The following TBC1D5 variants were observed in gnomAD, a reference collection of about 807,000 sequenced individuals.
The protein encoded by TBC1D5 is TBC1 domain family member 5, also known as TBC1 domain family, member 5.
Under a neutral mutation model 100.3 loss-of-function variants are expected in TBC1D5, and 75 were observed. The ratio of observed to expected loss-of-function variants is 0.75; its 90% CI spans 0.62 to 0.91. The LOEUF (loss-of-function observed/expected upper bound fraction) is 0.91, where lower values mean the gene tolerates loss of function less well. Among genes scored for constraint, TBC1D5 ranks in the 40% least tolerant of loss-of-function variants. The probability of loss-of-function intolerance (pLI) is 0.00; values close to 1 mark genes in which losing one functional copy is unlikely to be tolerated. For synonymous variants in TBC1D5, 323 were observed against 325.6 expected (o/e 0.99, Z 0.09); for missense variants, 910 against 942.4 (o/e 0.97, Z 0.45).
chr3:17,407,045 T>A (rs1451672978), intron 4 of TBC1D5, among the ~76,000 whole-genome samples: 1 of 152,086 alleles, frequency 6.6e-6, no homozygotes, highest in Non-Finnish European at 1.5e-5. Context: ...TCTTTCTACA[T>A]GATCAGTTTT....
intron 13 of TBC1D5, among the ~76,000 whole-genome samples, chr3:17,356,292 C>A (rs1559708057): frequency 6.6e-6 from 1 of 152,142 alleles, no homozygotes; most frequent in Non-Finnish European, 1.5e-5. Context: ...CTCACCTAAT[C>A]CTAAACCATC....
At chr3:17,241,337 CAGAG>C (rs1230969741) in intron 16 of TBC1D5, among the ~76,000 whole-genome samples, 1 of 152,134 alleles carries the variant, frequency 6.6e-6, no homozygotes, top group Non-Finnish European at 1.5e-5. Flanking sequence ...AAGTAGTTGT[CAGAG>C]AGCTGATGGA....
intron 2 of TBC1D5, among the ~76,000 whole-genome samples, chr3:17,543,208 C>T (rs1257350657): frequency 6.6e-6 from 1 of 152,188 alleles, no homozygotes; most frequent in Non-Finnish European, 1.5e-5. Flanking sequence ...TGTGCCTCTA[C>T]ATGCATAAAA....
chr3:17,507,015 C>CA (rs2095851857), intron 3 of TBC1D5, among the ~76,000 whole-genome samples: 1 of 152,040 alleles, frequency 6.6e-6, no homozygotes, highest in African/African-American at 2.4e-5. Context: ...GACTCCGTCT[C>CA]AAAAAACAAA....
At chr3:17,251,715 G>A (rs754202458) in intron 16 of TBC1D5, among the ~76,000 whole-genome samples, 30 of 152,242 alleles carry the variant, frequency 2.0e-4, no homozygotes, top group Non-Finnish European at 3.4e-4. Context: ...TCCATTACGT[G>A]TATGGATAAT....
chr3:17,726,185 ATG>A (rs2076115284), intron 1 of TBC1D5, among the ~76,000 whole-genome samples: 2 of 152,308 alleles, frequency 1.3e-5, no homozygotes, highest in Admixed American at 1.3e-4. Context: ...ATACGTGTGC[ATG>A]TGTTTTTATG....
At chr3:17,286,874 T>A (rs1427112311) in intron 15 of TBC1D5, among the ~76,000 whole-genome samples, 1 of 152,218 alleles carries the variant, frequency 6.6e-6, no homozygotes, top group Admixed American at 6.5e-5. Flanking sequence ...CTAAGCTTTA[T>A]CTTTGTTCTC....
intron 9 of TBC1D5, among the ~76,000 whole-genome samples, chr3:17,377,006 T>C (rs1017118062): frequency 6.6e-6 from 1 of 152,070 alleles, no homozygotes; most frequent in East Asian, 1.9e-4. Context: ...CTAAGAACTG[T>C]AGACCTAAGG....
intron 19 of TBC1D5, among the ~76,000 whole-genome samples, chr3:17,178,967 T>G (rs956702232): frequency 8.5e-5 from 13 of 152,100 alleles, no homozygotes; most frequent in African/African-American, 3.1e-4. Flanking sequence ...GACGTCATCT[T>G]GATATGTTGC....
rs1260840854 is a variant in TBC1D5 at position 17,720,596 on chromosome 3, C to T, written c.-101+18747G>A. ...GCAAGGTAGGAGGATTGCTTGAGCCCAGGAAGTTTGAGACCAGCTTGGGCA... is the reference window on the plus strand; with the variant it reads ...GCAAGGTAGGAGGATTGCTTGAGCCTAGGAAGTTTGAGACCAGCTTGGGCA... On this transcript the variant is annotated intron_variant, in intron 1 of 21. Transcript: ENST00000253692. 2.0e-5 allele frequency among the ~76,000 whole-genome samples: 3 copies of T among 152,030 alleles called. No homozygotes were observed. In the East Asian group the frequency reaches 5.8e-4, roughly 29 times the overall value.
chr3:17,673,784 C>A (rs1314963231), intron 1 of TBC1D5, among the ~76,000 whole-genome samples: 2 of 152,128 alleles, frequency 1.3e-5, no homozygotes, highest in Non-Finnish European at 2.9e-5. Context: ...AAATCTAAGA[C>A]ACTAAAAATT....
intron 2 of TBC1D5, among the ~76,000 whole-genome samples, chr3:17,547,812 T>C (rs148257019): frequency 1.3e-5 from 2 of 152,332 alleles, no homozygotes; most frequent in Non-Finnish European, 2.9e-5. Flanking sequence ...TTGCAGTATG[T>C]GCAATGAGAC....
In TBC1D5 at chr3:17,532,312, A is replaced by C. The variant is rs535653337; in HGVS notation, c.-35-23707T>G. Among the ~76,000 whole-genome samples, 540 of 152,114 alleles carry C rather than the reference A, an allele frequency of 3.5e-3. 3 individuals are homozygous for C. The highest frequency in any genetic ancestry group is 0.012 in the African/African-American group (509 of 41,480). ...TACCATCTCACACCAGTTAGAATGG[A>C]GATCATTAAAAAGTCAGGAAACAAC... On this transcript the variant is annotated intron_variant, in intron 2 of 21. Transcript: ENST00000253692.
At chr3:17,713,697 C>T (rs575010381) in intron 1 of TBC1D5, among the ~76,000 whole-genome samples, 65 of 152,150 alleles carry the variant, frequency 4.3e-4, no homozygotes, top group African/African-American at 1.5e-3. Flanking sequence ...GAAGGACAAT[C>T]GACCCAATTA....
intron 1 of TBC1D5, among the ~76,000 whole-genome samples, chr3:17,626,985 A>G (rs574629838): frequency 2.6e-4 from 39 of 152,330 alleles, no homozygotes; most frequent in African/African-American, 8.7e-4. Context: ...GCAATGCTTT[A>G]GGAAGATTAA....
upstream of TBC1D5, among the ~76,000 whole-genome samples, chr3:17,741,552 C>A (rs1452925499): frequency 6.6e-6 from 1 of 152,148 alleles, no homozygotes; most frequent in Admixed American, 6.5e-5. Flanking sequence ...ACGTGTGAAA[C>A]CTGCATGTTA....
intron 2 of TBC1D5, among the ~76,000 whole-genome samples, chr3:17,523,045 A>G (rs1462460384): frequency 6.6e-6 from 1 of 152,150 alleles, no homozygotes; most frequent in Non-Finnish European, 1.5e-5. Context: ...ATGATTGCTA[A>G]TATTTCACTT....
intron 2 of TBC1D5, among the ~76,000 whole-genome samples, chr3:17,621,233 G>A (rs994931267): frequency 1.3e-5 from 2 of 152,162 alleles, no homozygotes; most frequent in African/African-American, 4.8e-5. Context: ...ATATGCATTT[G>A]TGTATATATG....
chr3:17,566,933 A>G (rs2096597517), intron 2 of TBC1D5, among the ~76,000 whole-genome samples: 1 of 151,864 alleles, frequency 6.6e-6, no homozygotes, highest in Admixed American at 6.6e-5. Context: ...GTTAAATTCA[A>G]AAGTCAGGAA....
Sources: gnomAD v4.1 joint callset for allele counts (sites outside exome capture counted in the v4.1 genomes callset) on GRCh38, gnomAD v4.1.1 for gene constraint, MANE v1.5 for transcripts, NCBI Gene and HGNC (gene_info 2026-07-23, HGNC 2026-07-21) for gene names.